Variants in SECISBP2 observed in about 807,000 individuals in gnomAD.
SECISBP2 encodes selenocysteine insertion sequence-binding protein 2.
Under a neutral mutation model 98.2 loss-of-function variants are expected in SECISBP2, and 96 were observed. The ratio of observed to expected loss-of-function variants is 0.98; its 90% CI spans 0.83 to 1.16. SECISBP2 has a LOEUF of 1.16. SECISBP2 is among the 50% of genes most tolerant of loss of function. The pLI, the probability that SECISBP2 is intolerant of heterozygous loss-of-function variation, is 0.00. For synonymous variants in SECISBP2, 407 were observed against 370.2 expected, an observed-to-expected ratio of 1.10 and a Z score of -1.14; for missense variants, 1,046 against 1,022.9, an observed-to-expected ratio of 1.02 and a Z score of -0.31.
intron 5 of SECISBP2, 161 bp from the exon 6 acceptor site, chr9:89,332,747 A>G: frequency 3.0e-6 from 2 of 665,098 alleles, no homozygotes; most frequent in Admixed American, 2.3e-5. Flanking sequence ...AGGAATTGCT[A>G]AACTATTAAA....
At chr9:89,331,746 T>C (rs973414146) in intron 5 of SECISBP2, among the ~76,000 whole-genome samples, 3 of 152,262 alleles carry the variant, frequency 2.0e-5, no homozygotes, top group African/African-American at 7.2e-5. Context: ...CTTTTGCATT[T>C]ACATGGGATC....
chr9:89,336,766 C>CTTTT lies in SECISBP2; in HGVS notation c.1090-1672_1090-1669dup, dbSNP rs1167993596. 2.4e-3 allele frequency among the ~76,000 whole-genome samples: 183 copies of CTTTT among 75,188 alleles called. 3 individuals carry two copies. Among genetic ancestry groups the CTTTT allele is most frequent in the East Asian group, 3.5e-3 (9 of 2,606 alleles). 49.3% of individuals were successfully genotyped at this position (75,188 alleles called of 152,430 possible). A position where few individuals can be genotyped will look rare whatever the true frequency, so the allele number is the denominator to read the frequency against. On this transcript the variant is annotated intron_variant, in intron 7 of 16. Transcript: ENST00000375807. ...CTGGACAACAGCCCACTGTCTAATT[C>CTTTT]TTTTTTTTTTTTTTTTTTTTTTTGA...
At position 89,328,900 on chromosome 9, in the gene SECISBP2, TTCTC is replaced by T. The variant is rs765520982; in HGVS notation, c.801+18_801+21del. On this transcript the variant is annotated intron_variant, in intron 5 of 16. Coordinates refer to ENST00000375807, the MANE Select transcript of SECISBP2 (RefSeq NM_024077.5). ...GTGTTATCAAAGGTGAGGTGAGGGT[TTCTC>T]TCTTTTTCTTTTTCCTTTGTACACT... The T allele has an allele frequency of 2.2e-5, 35 of 1,582,672 alleles. No individual in the cohort carries two copies. Among genetic ancestry groups the T allele is most frequent in the Non-Finnish European group, 3.0e-5 (35 of 1,152,582 alleles).
chr9:89,334,084 A>G (rs990360435), intron 6 of SECISBP2: 1 of 1,122,068 alleles, frequency 8.9e-7, no homozygotes, highest in Non-Finnish European at 1.1e-6. Context: ...TCTAAAAGAA[A>G]TAAATTACCA....
At chr9:89,344,561 A>T (rs935233291) in intron 10 of SECISBP2, among the ~76,000 whole-genome samples, 8 of 152,212 alleles carry the variant, frequency 5.3e-5, no homozygotes, top group Non-Finnish European at 1.2e-4. Context: ...TTTATTGAAT[A>T]GGGAGTCCTT....
At chr9:89,362,231 A>T, downstream of SECISBP2, 1 of 1,135,532 alleles carries the variant, frequency 8.8e-7, no homozygotes, top group Non-Finnish European at 1.3e-6. Flanking sequence ...AGGCTTCTCC[A>T]CTGTCCCGCC....
At chr9:89,328,236 A>G (rs1827115823) in intron 4 of SECISBP2, among the ~76,000 whole-genome samples, 1 of 152,238 alleles carries the variant, frequency 6.6e-6, no homozygotes, top group South Asian at 2.1e-4. Flanking sequence ...ATACTTTTAT[A>G]TGCCTGTTAG....
At position 89,349,944 on chromosome 9, in the gene SECISBP2, G is replaced by A; in HGVS notation, c.1892+15G>A. 6.2e-7 allele frequency: 1 copy of A among 1,613,956 alleles called. No homozygotes were observed. Among genetic ancestry groups the A allele is most frequent in the Non-Finnish European group, 8.5e-7 (1 of 1,180,006 alleles). On this transcript the variant is annotated intron_variant, in intron 13 of 16. Coordinates refer to ENST00000375807, the MANE Select transcript of SECISBP2 (RefSeq NM_024077.5). ...AGATTCAGGGAGTGAGTGAGCCCCTGCCTGCCAGGGACTAGGGGAAGATGG... is the reference window on the plus strand; with the variant it reads ...AGATTCAGGGAGTGAGTGAGCCCCTACCTGCCAGGGACTAGGGGAAGATGG...
At chr9:89,361,465 A>AG (rs1256225843), downstream of SECISBP2, 4 of 152,226 alleles carry the variant, frequency 2.6e-5, no homozygotes, top group Non-Finnish European at 4.4e-5. Flanking sequence ...ACAGACAAGA[A>AG]GAGACGTGTG....
intron 2 of SECISBP2, 147 bp downstream of exon 2, chr9:89,319,944 C>A (rs1242490523): frequency 1.2e-6 from 1 of 835,902 alleles, no homozygotes; most frequent in East Asian, 2.5e-5. Flanking sequence ...GAGCCAGTAG[C>A]ACAACTTAAC....
At chr9:89,327,255 C>T (rs895607080) in intron 4 of SECISBP2, among the ~76,000 whole-genome samples, 30 of 152,074 alleles carry the variant, frequency 2.0e-4, no homozygotes, top group African/African-American at 7.2e-4. Context: ...CTGGGTGATT[C>T]GATGACTGAG....
intron 2 of SECISBP2, among the ~76,000 whole-genome samples, chr9:89,320,095 G>T (rs967508589): frequency 1.3e-5 from 2 of 152,050 alleles, no homozygotes; most frequent in Non-Finnish European, 2.9e-5. Flanking sequence ...TGTGGCTCAC[G>T]CCTGTAATCC....
At chr9:89,322,931 G>T (rs769238577) in intron 2 of SECISBP2, 3 of 152,156 alleles carry the variant, frequency 2.0e-5, no homozygotes, top group Non-Finnish European at 4.4e-5. Context: ...CTTAAATGGG[G>T]TCATTGTAAT....
chr9:89,342,172 G>A (rs77297823), intron 10 of SECISBP2, among the ~76,000 whole-genome samples: 7,491 of 152,230 alleles, frequency 0.049, 581 homozygotes, highest in African/African-American at 0.17. Context: ...CAATAAGTGC[G>A]TGAAAAGATA....
chr9:89,326,120 C>T (rs779144701), intron 4 of SECISBP2, 82 bp downstream of exon 4: 1 of 1,529,832 alleles, frequency 6.5e-7, no homozygotes, highest in Non-Finnish European at 9.0e-7. Flanking sequence ...ACAGCTGTTT[C>T]TATGGGCTTG....
At chr9:89,350,971 G>A in intron 14 of SECISBP2, 119 bp downstream of exon 14, 1 of 849,818 alleles carries the variant, frequency 1.2e-6, no homozygotes, top group Non-Finnish European at 2.0e-6. Flanking sequence ...CGTTTTCTTT[G>A]TGGTTTTTGT....
In SECISBP2 at chr9:89,348,101, A is replaced by G; in HGVS notation, c.1625A>G (p.Glu542Gly). The change falls in exon 12 of 17, where the codon GAG becomes GGG. Residue 542 changes from glutamate (E) to glycine (G), a missense_variant. Transcript: ENST00000375807. ...LKKIILKERQ[E>G]RKQRLQENAV... ...AAGATTATTTTGAAAGAACGGCAAGAGAGAAAGCAGCGTCTCCAAGAAAAT... is the reference window on the plus strand; with the variant it reads ...AAGATTATTTTGAAAGAACGGCAAGGGAGAAAGCAGCGTCTCCAAGAAAAT... 6.2e-7 allele frequency: 1 copy of G among 1,613,732 alleles called. No individual in the cohort carries two copies. Among genetic ancestry groups the G allele is most frequent in the East Asian group, 2.2e-5 (1 of 44,892 alleles).
At chr9:89,324,844 G>GA (rs1826413029) in intron 2 of SECISBP2, 1 of 153,768 alleles carries the variant, frequency 6.5e-6, no homozygotes, top group African/African-American at 2.4e-5. Flanking sequence ...ATTATATTTT[G>GA]GTTTAGTCTA....
chr9:89,319,457 C>T (rs1461905136), intron 1 of SECISBP2, among the ~76,000 whole-genome samples, 195 bp from the exon 2 acceptor site: 1 of 151,530 alleles, frequency 6.6e-6, no homozygotes, highest in Non-Finnish European at 1.5e-5. Context: ...GTTTGAACTA[C>T]TGCCTTTTCT....
Sources: allele counts gnomAD v4.1 joint callset (sites outside exome capture counted in the v4.1 genomes callset), GRCh38; gene constraint gnomAD v4.1.1; transcripts MANE v1.5; gene names NCBI Gene and HGNC (gene_info 2026-07-23, HGNC 2026-07-21).